RBL1: variants seen among roughly 807,000 people sequenced by gnomAD.
The protein encoded by RBL1 is RB transcriptional corepressor like 1.
In RBL1, 82 loss-of-function variants were observed where a neutral mutation model predicts 123.0. The observed-to-expected ratio is 0.67, with a 90% CI of 0.56 to 0.80. RBL1 has a LOEUF of 0.80. Among genes scored for constraint, RBL1 ranks in the 30% least tolerant of loss-of-function variants. RBL1 has a pLI of 0.00. For missense variants in RBL1, 1,171 were observed against 1,299.6 expected, an observed-to-expected ratio of 0.90 and a Z score of 1.52; for synonymous variants, 405 against 441.3, an observed-to-expected ratio of 0.92 and a Z score of 1.03.
At chr20:37,090,543 T>G (rs914033266) in intron 1 of RBL1, among the ~76,000 whole-genome samples, 2 of 152,166 alleles carry the variant, frequency 1.3e-5, no homozygotes, top group Admixed American at 6.5e-5. Context: ...ATATTAATCT[T>G]ACGCAACATG....
intron 16 of RBL1, among the ~76,000 whole-genome samples, chr20:37,030,186 T>G (rs1212035052): frequency 1.3e-5 from 2 of 152,186 alleles, no homozygotes; most frequent in Non-Finnish European, 2.9e-5. Context: ...ATTTTAAAAC[T>G]TATGACACAA....
At chr20:37,065,546 C>G in intron 6 of RBL1, 73 bp from the exon 7 acceptor site, 1 of 973,378 alleles carries the variant, frequency 1.0e-6, no homozygotes, top group Non-Finnish European at 1.6e-6. Context: ...TGAAATTTAT[C>G]TAAATTTCCA....
Position 37,040,256 on chromosome 20 carries a change from T to C in RBL1, c.1800A>G (p.Gly600=), listed in dbSNP as rs201495415. 341 of 1,614,092 alleles carry C rather than the reference T, an allele frequency of 2.1e-4. 1 individual carries two copies. Among genetic ancestry groups the C allele is most frequent in the African/African-American group, 6.7e-5 (5 of 75,050 alleles). Residue 600 remains glycine, a synonymous_variant, in exon 14 of 22, where the codon GGA becomes GGG. Coordinates refer to ENST00000373664, the MANE Select transcript of RBL1 (RefSeq NM_002895.5). The part of the protein sequence containing the change: ...EVIFPNNFET[G]NGGNVQGHLP... ...GATGTCCCTGCACATTTCCTCCATT[T>C]CCTGTTTCAAAGTTATTTGGGAATA...
chr20:37,067,868 G>T, intron 3 of RBL1, 118 bp downstream of exon 3: 4 of 1,096,264 alleles, frequency 3.6e-6, no homozygotes, highest in Non-Finnish European at 3.7e-6. Flanking sequence ...GATTTAAAAA[G>T]AAAATAATTA....
At chr20:37,042,028 A>T (rs2064735992) in intron 13 of RBL1, among the ~76,000 whole-genome samples, 1 of 147,714 alleles carries the variant, frequency 6.8e-6, no homozygotes, top group South Asian at 2.2e-4. Context: ...AGCCGAGATC[A>T]CGCCACCGCA....
chr20:37,036,727 G>A (rs1331716199), intron 14 of RBL1, among the ~76,000 whole-genome samples: 4 of 149,046 alleles, frequency 2.7e-5, no homozygotes, highest in South Asian at 4.2e-4. Context: ...CCAGGTTCAC[G>A]CCATTCTCCT....
At chr20:37,039,911 A>T (rs893131421) in intron 14 of RBL1, among the ~76,000 whole-genome samples, 13 of 152,154 alleles carry the variant, frequency 8.5e-5, no homozygotes, top group Non-Finnish European at 1.8e-4. Flanking sequence ...TTCAGGAAAG[A>T]TTACATATAT....
intron 21 of RBL1, among the ~76,000 whole-genome samples, chr20:37,000,867 C>T (rs2063963557): frequency 7.0e-6 from 1 of 143,756 alleles, no homozygotes; most frequent in Admixed American, 6.8e-5. Flanking sequence ...GCCCCTCTGC[C>T]CGGCCAGCCG....
chr20:37,063,817 CTTTT>C (rs1358422193), intron 7 of RBL1, among the ~76,000 whole-genome samples: 1 of 146,020 alleles, frequency 6.8e-6, no homozygotes, highest in Non-Finnish European at 1.5e-5. Context: ...CGGCCTCTTT[CTTTT>C]TTTCTTGTTT....
chr20:37,040,237 C>G lies in RBL1; in HGVS notation c.1819G>C (p.Gly607Arg). The change falls in exon 14 of 22, where the codon GGA becomes CGA. Residue 607 changes from glycine (G) to arginine (R), a missense_variant. Coordinates refer to ENST00000373664, the MANE Select transcript of RBL1 (RefSeq NM_002895.5). ...GACATTGGCATCAGGGGAAGATGTC[C>G]CTGCACATTTCCTCCATTTCCTGTT... ...FETGNGGNVQ[G>R]HLPLMPMSPL... The G allele has an allele frequency of 6.2e-7, 1 of 1,614,064 alleles. No homozygotes were observed. Among genetic ancestry groups the G allele is most frequent in the East Asian group, 2.2e-5 (1 of 44,878 alleles).
chr20:37,025,616 T>G (rs2064406657), intron 16 of RBL1, among the ~76,000 whole-genome samples: 1 of 152,232 alleles, frequency 6.6e-6, no homozygotes, highest in Admixed American at 6.6e-5. Context: ...GTTCTGAAGG[T>G]GAGGAGGCAT....
At chr20:37,095,629 A>G in intron 1 of RBL1, 144 bp downstream of exon 1, 1 of 649,954 alleles carries the variant, frequency 1.5e-6, no homozygotes, top group Non-Finnish European at 2.4e-6. Flanking sequence ...AGCTACACCC[A>G]CCTTTCCCGC....
intron 11 of RBL1, among the ~76,000 whole-genome samples, chr20:37,048,283 C>T (rs552745937): frequency 2.0e-5 from 3 of 152,066 alleles, no homozygotes; most frequent in Non-Finnish European, 4.4e-5. Flanking sequence ...ATCCTCAGGT[C>T]CCCACACAAC....
chr20:37,064,336 C>T (rs6130452), intron 7 of RBL1, among the ~76,000 whole-genome samples: 20,649 of 151,562 alleles, frequency 0.14, 2,135 homozygotes, highest in East Asian at 0.48. Context: ...CCGGGTTTCA[C>T]CATTTTGGCC....
At chr20:37,084,592 G>A (rs933493181) in intron 2 of RBL1, among the ~76,000 whole-genome samples, 3 of 152,074 alleles carry the variant, frequency 2.0e-5, no homozygotes, top group African/African-American at 2.4e-5. Flanking sequence ...CCAGCTACTC[G>A]GGAGGCTGAA....
intron 13 of RBL1, 49 bp downstream of exon 13, chr20:37,044,037 T>G (rs549453273): frequency 1.9e-5 from 25 of 1,339,224 alleles, no homozygotes; most frequent in East Asian, 1.6e-4. Context: ...AAGCTGGTTT[T>G]TTTTTTTTTT....
At position 37,056,264 on chromosome 20, in the gene RBL1, A is replaced by C; in HGVS notation, c.1251-6T>G. 6.3e-7 allele frequency: 1 copy of C among 1,596,810 alleles called. No individual in the cohort carries two copies. On this transcript the variant is annotated splice_polypyrimidine_tract_variant and splice_region_variant and intron_variant, in intron 9 of 21. Transcript: ENST00000373664. ...CAGGATTACGCACACAAGATCTACA[A>C]AATACAAGAGGAACCAATTACCAAA...
chr20:37,064,522 T>C (rs1490910808), intron 7 of RBL1, among the ~76,000 whole-genome samples: 4 of 152,046 alleles, frequency 2.6e-5, no homozygotes, highest in South Asian at 2.1e-4. Context: ...GGTGAGAGGA[T>C]TGCTTGAGGC....
chr20:37,035,504 C>A lies in RBL1; in HGVS notation c.1908G>T (p.Met636Ile). The A allele has an allele frequency of 6.4e-7, 1 of 1,551,012 alleles. No homozygotes were observed. Among genetic ancestry groups the A allele is most frequent in the Non-Finnish European group, 8.7e-7 (1 of 1,152,038 alleles). ...RTDSGSLRRD[M>I]QPLSPISVHE... ...GGACAGAAATTGGAGACAATGGTTGCATATCTAAAAAAAAATAATAAATTT... is the reference window on the plus strand; with the variant it reads ...GGACAGAAATTGGAGACAATGGTTGAATATCTAAAAAAAAATAATAAATTT... The change falls in exon 15 of 22, where the codon ATG becomes ATT. Residue 636 changes from methionine (M) to isoleucine (I), a missense_variant. Physicochemically the swap from Met to Ile is conservative, Grantham distance 10 (BLOSUM62 1). Transcript: ENST00000373664.
Sources: allele counts gnomAD v4.1 joint callset (sites outside exome capture counted in the v4.1 genomes callset), GRCh38; gene constraint gnomAD v4.1.1; transcripts MANE v1.5; gene names NCBI Gene and HGNC (gene_info 2026-07-23, HGNC 2026-07-21).